Variants in UNC5D observed in about 807,000 individuals in gnomAD.
UNC5D encodes the protein netrin receptor UNC5D.
Under a neutral mutation model 105.4 loss-of-function variants are expected in UNC5D, and 39 were observed. That is an observed-to-expected ratio of 0.37 (90% CI 0.29 to 0.48). The LOEUF is 0.48. UNC5D is among the 20% of genes least tolerant of loss of function. The pLI is 0.98. For synonymous variants in UNC5D, 452 were observed against 450.4 expected, an observed-to-expected ratio of 1.00 and a Z score of -0.04; for missense variants, 991 against 1,202.4, an observed-to-expected ratio of 0.82 and a Z score of 2.60.
intron 1 of UNC5D, among the ~76,000 whole-genome samples, chr8:35,324,094 G>GT: frequency 6.6e-6 from 1 of 151,818 alleles, no homozygotes; most frequent in East Asian, 1.9e-4. Flanking sequence ...GCCAGGCGTG[G>GT]TGGCATCCAC....
intron 8 of UNC5D, among the ~76,000 whole-genome samples, chr8:35,706,752 G>A (rs1438254347): frequency 6.6e-6 from 1 of 152,150 alleles, no homozygotes. Context: ...AGGTGGATCA[G>A]AATCCACATG....
At chr8:35,315,443 A>G (rs1809223332) in intron 1 of UNC5D, among the ~76,000 whole-genome samples, 1 of 152,140 alleles carries the variant, frequency 6.6e-6, no homozygotes, top group Admixed American at 6.5e-5. Flanking sequence ...TGGCTGGGGC[A>G]GTGGAGATGA....
chr8:35,779,263 A>T (rs749145927), intron 16 of UNC5D, among the ~76,000 whole-genome samples: 1 of 152,182 alleles, frequency 6.6e-6, no homozygotes, highest in Non-Finnish European at 1.5e-5. Flanking sequence ...TAACAAATTA[A>T]ATGTTGGAAA....
chr8:35,594,493 A>T (rs1255332301), intron 3 of UNC5D, among the ~76,000 whole-genome samples: 1 of 152,194 alleles, frequency 6.6e-6, no homozygotes, highest in Non-Finnish European at 1.5e-5. Context: ...AGAAAAATGC[A>T]TTGTCAGGGA....
chr8:35,523,055 T>A (rs543635392), intron 1 of UNC5D, among the ~76,000 whole-genome samples: 3 of 152,186 alleles, frequency 2.0e-5, no homozygotes, highest in African/African-American at 7.2e-5. Flanking sequence ...TATTTTTTTT[T>A]TAAATAATTA....
chr8:35,671,807 T>G (rs552192471), intron 4 of UNC5D, among the ~76,000 whole-genome samples: 43 of 151,170 alleles, frequency 2.8e-4, no homozygotes, highest in Non-Finnish European at 4.9e-4. Flanking sequence ...GTCTTTTTGG[T>G]TTTTTTTTCA....
intron 1 of UNC5D, among the ~76,000 whole-genome samples, chr8:35,517,614 CAG>C (rs145439293): frequency 0.011 from 1,610 of 152,260 alleles, 30 homozygotes; most frequent in African/African-American, 0.037. Context: ...GCCCAATTTT[CAG>C]AGTTTCATAA....
At chr8:35,544,303 G>T in intron 1 of UNC5D, 2 of 1,365,898 alleles carry the variant, frequency 1.5e-6, no homozygotes, top group East Asian at 2.6e-5. Flanking sequence ...AGTGAAGCTT[G>T]GAGTGCTGGC....
chr8:35,404,866 A>G (rs1400436145), intron 1 of UNC5D, among the ~76,000 whole-genome samples: 1 of 152,174 alleles, frequency 6.6e-6, no homozygotes, highest in East Asian at 1.9e-4. Flanking sequence ...CTGGGATTAC[A>G]GGAGTGAGCC....
intron 1 of UNC5D, among the ~76,000 whole-genome samples, chr8:35,433,438 A>G (rs774081239): frequency 6.6e-6 from 1 of 152,190 alleles, no homozygotes; most frequent in Admixed American, 6.5e-5. Flanking sequence ...TAACAGATTC[A>G]CTAAGGAAAG....
At chr8:35,476,364 A>T (rs1280097929) in intron 1 of UNC5D, among the ~76,000 whole-genome samples, 2 of 152,222 alleles carry the variant, frequency 1.3e-5, no homozygotes, top group African/African-American at 4.8e-5. Flanking sequence ...GTATTAGTCC[A>T]TTCATCTAGC....
At chr8:35,379,136 T>A (rs1221700406) in intron 1 of UNC5D, among the ~76,000 whole-genome samples, 4 of 152,198 alleles carry the variant, frequency 2.6e-5, no homozygotes, top group Admixed American at 1.3e-4. Context: ...AGAGTGGTGG[T>A]CTCTTGAGCT....
At chr8:35,375,342 C>T (rs948379372) in intron 1 of UNC5D, among the ~76,000 whole-genome samples, 13 of 152,116 alleles carry the variant, frequency 8.5e-5, no homozygotes, top group African/African-American at 3.1e-4. Flanking sequence ...ATGTTCCACA[C>T]GTTGATCTTT....
chr8:35,692,203 A>G (rs1826453919), intron 7 of UNC5D, among the ~76,000 whole-genome samples: 1 of 152,254 alleles, frequency 6.6e-6, no homozygotes, highest in Non-Finnish European at 1.5e-5. Context: ...AAAGATGTCT[A>G]CACAATAGCA....
In UNC5D at chr8:35,684,578, T is replaced by C. The variant is rs1229788668; in HGVS notation, c.752-4T>C. On this transcript the variant is annotated splice_polypyrimidine_tract_variant and splice_region_variant and intron_variant, in intron 5 of 16. Transcript: ENST00000404895. ...TTTCTCCCCTCCCCATTTTTCTCTC[T>C]CAGTGAATGGAGGCTGGTCTTCCTG... 1 of 1,608,180 alleles carries C rather than the reference T, an allele frequency of 6.2e-7. No individual in the cohort carries two copies. Among genetic ancestry groups the C allele is most frequent in the Non-Finnish European group, 8.5e-7 (1 of 1,178,436 alleles).
chr8:35,284,150 T>G (rs528770423), intron 1 of UNC5D, among the ~76,000 whole-genome samples: 1 of 152,218 alleles, frequency 6.6e-6, no homozygotes, highest in South Asian at 2.1e-4. Context: ...TATATTATGC[T>G]AGTGTATGCT....
chr8:35,713,409 CTCTT>C (rs904536813), intron 8 of UNC5D, among the ~76,000 whole-genome samples: 22 of 152,166 alleles, frequency 1.4e-4, no homozygotes, highest in African/African-American at 5.3e-4. Context: ...TTTTGACTCT[CTCTT>C]CTGTTTCAAT....
At chr8:35,521,143 GAT>G (rs1813435491) in intron 1 of UNC5D, among the ~76,000 whole-genome samples, 1 of 151,828 alleles carries the variant, frequency 6.6e-6, no homozygotes, top group Admixed American at 6.6e-5. Context: ...AAATGTTTTG[GAT>G]TAGAAAAAAA....
intron 1 of UNC5D, among the ~76,000 whole-genome samples, chr8:35,490,527 TA>T (rs1005899688): frequency 2.4e-4 from 35 of 146,408 alleles, no homozygotes; most frequent in African/African-American, 2.7e-4. Flanking sequence ...CTATCTCTTA[TA>T]AAAAAAAAAA....
Sources: allele counts gnomAD v4.1 joint callset (sites outside exome capture counted in the v4.1 genomes callset), GRCh38; gene constraint gnomAD v4.1.1; transcripts MANE v1.5; gene names NCBI Gene and HGNC (gene_info 2026-07-23, HGNC 2026-07-21).